The following SEC23A variants were observed in gnomAD, a reference collection of about 807,000 sequenced individuals.
SEC23A encodes the protein protein transport protein Sec23A.
SEC23A carries 56 observed loss-of-function variants against 103.7 expected under a neutral mutation model. The observed-to-expected ratio is 0.54, with a 90% confidence interval of 0.44 to 0.67. The LOEUF (loss-of-function observed/expected upper bound fraction) is 0.67. Ranked by LOEUF, SEC23A falls within the 30% of genes least tolerant of loss-of-function variation. The pLI, the probability that SEC23A is intolerant of heterozygous loss-of-function variation, is 0.00. For missense variants in SEC23A, 784 were observed against 936.4 expected (o/e 0.84, Z 2.12); for synonymous variants, 281 against 293.0 (o/e 0.96, Z 0.42).
chr14:39,076,021 C>T lies in SEC23A; in HGVS notation c.901G>A (p.Val301Met), dbSNP rs767286131. ...GGPATQGPGM[V>M]VGDELKTPIR... is the part of the protein sequence containing the mutation. ...GGTGTCTTCAACTCATCTCCAACCA[C>T]CATTCCAGGCCCCTGAGTAGCAGGA... The change falls in exon 8 of 20, where the codon GTG (valine) becomes ATG (methionine). Residue 301 changes from valine to methionine, a missense_variant. Around this residue, in one of 2 missense-constraint regions of SEC23A, gnomAD observed 683 missense variants for 774.2 expected, o/e 0.88. Transcript: ENST00000307712. 7.4e-6 allele frequency: 12 copies of T among 1,613,698 alleles called. No individual in the cohort carries two copies. Among genetic ancestry groups the T allele is most frequent in the African/African-American group, 1.3e-5 (1 of 74,844 alleles).
At chr14:39,086,381 G>GGGAT (rs1887445301) in intron 6 of SEC23A, among the ~76,000 whole-genome samples, 1 of 152,202 alleles carries the variant, frequency 6.6e-6, no homozygotes, top group South Asian at 2.1e-4. Flanking sequence ...GCTCACACCT[G>GGGAT]TAATCCCAGC....
chr14:39,081,041 C>A (rs988358281), intron 7 of SEC23A, among the ~76,000 whole-genome samples: 2 of 151,906 alleles, frequency 1.3e-5, no homozygotes, highest in African/African-American at 2.4e-5. Context: ...TCTGTCTCTA[C>A]AAATTTAAAA....
At chr14:39,044,923 T>C (rs1885777366) in intron 16 of SEC23A, among the ~76,000 whole-genome samples, 1 of 152,116 alleles carries the variant, frequency 6.6e-6, no homozygotes, top group African/African-American at 2.4e-5. Flanking sequence ...GATCTGAAAG[T>C]CTCTTCCATC....
chr14:39,048,916 GAAAC>G (rs1314766961), intron 14 of SEC23A, among the ~76,000 whole-genome samples, 187 bp from the exon 15 acceptor site: 3 of 152,026 alleles, frequency 2.0e-5, no homozygotes, highest in Non-Finnish European at 2.9e-5. Context: ...CTAAATTTCA[GAAAC>G]AAACACCACA....
At chr14:39,036,738 G>C (rs1470549621) in intron 19 of SEC23A, among the ~76,000 whole-genome samples, 2 of 152,070 alleles carry the variant, frequency 1.3e-5, no homozygotes, top group Non-Finnish European at 2.9e-5. Flanking sequence ...CTCCAAATAA[G>C]TTCTGTGCCC....
chr14:39,040,529 C>T (rs944481498), intron 18 of SEC23A: 6 of 620,936 alleles, frequency 9.7e-6, no homozygotes, highest in Non-Finnish European at 1.7e-5. Context: ...ATGGAAAGTG[C>T]CAGGTTTAGG....
intron 5 of SEC23A, 101 bp downstream of exon 5, chr14:39,091,376 T>C (rs1235173372): frequency 1.3e-6 from 1 of 784,708 alleles, no homozygotes; most frequent in Non-Finnish European, 2.2e-6. Flanking sequence ...TTATATTAGT[T>C]ATTCATAATA....
At chr14:39,102,661 T>G (rs1888150557) in intron 1 of SEC23A, among the ~76,000 whole-genome samples, 1 of 151,904 alleles carries the variant, frequency 6.6e-6, no homozygotes. Context: ...GGGTTCAAAG[T>G]CTAGGACACT....
chr14:39,097,629 C>T (rs562119392), intron 1 of SEC23A, among the ~76,000 whole-genome samples: 1 of 152,260 alleles, frequency 6.6e-6, no homozygotes, highest in East Asian at 1.9e-4. Flanking sequence ...ACTTTCTCTT[C>T]TTTAAATAAG....
chr14:39,053,173 G>A (rs1594446278), intron 14 of SEC23A, among the ~76,000 whole-genome samples: 1 of 152,050 alleles, frequency 6.6e-6, no homozygotes, highest in Non-Finnish European at 1.5e-5. Flanking sequence ...AATTGAAAAG[G>A]TCCCATTTAA....
At chr14:39,059,397 G>A (rs908250964) in intron 13 of SEC23A, among the ~76,000 whole-genome samples, 1 of 150,242 alleles carries the variant, frequency 6.7e-6, no homozygotes, top group Admixed American at 6.7e-5. Context: ...TGCTATAAAT[G>A]GCACCATAAC....
intron 5 of SEC23A, among the ~76,000 whole-genome samples, chr14:39,089,346 C>T (rs1239644744): frequency 6.6e-6 from 1 of 152,074 alleles, no homozygotes; most frequent in Non-Finnish European, 1.5e-5. Flanking sequence ...CATGACTACA[C>T]TATAAGGTAT....
Position 39,061,805 on chromosome 14 carries a change from T to A in SEC23A, c.1465A>T (p.Ser489Cys). 1 of 1,613,906 alleles carries A rather than the reference T, an allele frequency of 6.2e-7. No individual in the cohort carries two copies. Among genetic ancestry groups the A allele is most frequent in the Non-Finnish European group, 8.5e-7 (1 of 1,179,786 alleles). The stretch of plus-strand genomic sequence containing the variant: ...GTCACTCGGATGCGTCTCTGCCCAC[T>A]TGAATGCTGATACTGAGTCACAAAC... ...IQFVTQYQHS[S>C]GQRRIRVTTI... The change falls in exon 13 of 20, where the codon AGT (serine) becomes TGT (cysteine). Residue 489 changes from serine (S) to cysteine (C), a missense_variant. Physicochemically the swap from Ser to Cys is moderately radical, Grantham distance 112. Around this residue, in one of 2 missense-constraint regions of SEC23A, gnomAD observed 683 missense variants for 774.2 expected, o/e 0.88. Coordinates refer to ENST00000307712, the MANE Select transcript of SEC23A (RefSeq NM_006364.4).
chr14:39,092,383 T>C (rs1276597320), intron 4 of SEC23A, among the ~76,000 whole-genome samples, 158 bp downstream of exon 4: 2 of 152,192 alleles, frequency 1.3e-5, no homozygotes, highest in Non-Finnish European at 1.5e-5. Flanking sequence ...AACATAGGAA[T>C]TACCCTGCTC....
intron 13 of SEC23A, among the ~76,000 whole-genome samples, chr14:39,059,639 TTC>T (rs1373901817): frequency 5.3e-5 from 8 of 152,272 alleles, no homozygotes; most frequent in African/African-American, 1.4e-4. Context: ...TGCATTATCA[TTC>T]TCTCTCTCCA....
chr14:39,049,024 CAAAAAAGCTCAACACGTGCCTT>C (rs1046182491), intron 14 of SEC23A, among the ~76,000 whole-genome samples: 9 of 151,910 alleles, frequency 5.9e-5, no homozygotes, highest in African/African-American at 2.2e-4. Flanking sequence ...TAGATAACAA[CAAAAAAGCTCAACACGTGCCTT>C]AAAACACCAA....
At chr14:39,062,495 G>A (rs1886510758) in intron 12 of SEC23A, among the ~76,000 whole-genome samples, 1 of 151,874 alleles carries the variant, frequency 6.6e-6, no homozygotes, top group African/African-American at 2.4e-5. Flanking sequence ...GAAGATGAAA[G>A]CAGAACTTTT....
intron 9 of SEC23A, among the ~76,000 whole-genome samples, chr14:39,073,557 G>C (rs1287479000): frequency 6.7e-6 from 1 of 148,724 alleles, no homozygotes; most frequent in African/African-American, 2.5e-5. Flanking sequence ...GCTTCTCAAA[G>C]TGCTAGGATT....
At position 39,101,631 on chromosome 14, in the gene SEC23A, A is replaced by C. The variant is rs187258509; in HGVS notation, c.-22+1401T>G. On this transcript the variant is annotated intron_variant, in intron 1 of 19. Transcript: ENST00000307712. ...GAGCGAGACTCCGTCTCAAAAAAAA[A>C]AAAAACAAAAAAGACTTTCCCTATG... is the stretch of plus-strand genomic sequence containing the variant. Among the ~76,000 whole-genome samples, 13 of 152,150 alleles carry C rather than the reference A, an allele frequency of 8.5e-5. No individual in the cohort carries two copies. The East Asian group carries it at 2.5e-3, about 29-fold the overall frequency.
Sources: allele counts gnomAD v4.1 joint callset (sites outside exome capture counted in the v4.1 genomes callset), GRCh38; gene constraint gnomAD v4.1.1; regional missense constraint gnomAD v4.1.1; transcripts MANE v1.5; gene names NCBI Gene and HGNC (gene_info 2026-07-23, HGNC 2026-07-21).